DMRT1: variants seen among roughly 807,000 people sequenced by gnomAD.
DMRT1 encodes doublesex- and mab-3-related transcription factor 1.
In DMRT1, 7 loss-of-function variants were observed where a neutral mutation model predicts 32.3. The observed-to-expected ratio is 0.22, with a 90% CI of 0.12 to 0.41. The LOEUF is 0.41. Among genes scored for constraint, DMRT1 ranks in the 10% least tolerant of loss-of-function variants. DMRT1 has a pLI of 1.00. For missense variants in DMRT1, 625 were observed against 500.5 expected, an observed-to-expected ratio of 1.25 and a Z score of -2.37; for synonymous variants, 278 against 206.1, an observed-to-expected ratio of 1.35 and a Z score of -2.99.
intron 2 of DMRT1, among the ~76,000 whole-genome samples, chr9:852,035 G>A (rs78806166): frequency 0.1 from 15,088 of 151,206 alleles, 924 homozygotes; most frequent in East Asian, 0.17. Flanking sequence ...TGCCTCCTGG[G>A]TTCAAGAGAT....
chr9:928,266 G>A (rs1205913320), intron 4 of DMRT1, among the ~76,000 whole-genome samples: 1 of 152,186 alleles, frequency 6.6e-6, no homozygotes, highest in Non-Finnish European at 1.5e-5. Flanking sequence ...GCAGTCCCAT[G>A]ATCATCTGCT....
chr9:890,085 GTTTTTTTTT>G (rs35228255), intron 2 of DMRT1, among the ~76,000 whole-genome samples: 1 of 103,002 alleles, frequency 9.7e-6, no homozygotes, highest in African/African-American at 3.8e-5. Context: ...CACCAAACGT[GTTTTTTTTT>G]TTTTTTTTTT....
chr9:902,614 G>C (rs1057224529), intron 3 of DMRT1, among the ~76,000 whole-genome samples: 3 of 151,258 alleles, frequency 2.0e-5, no homozygotes, highest in African/African-American at 7.3e-5. Flanking sequence ...TCAGCCTCCT[G>C]AGTAGCTGGG....
intron 2 of DMRT1, among the ~76,000 whole-genome samples, chr9:861,805 CGG>C (rs57064577): frequency 3.7e-4 from 53 of 143,632 alleles, no homozygotes; most frequent in African/African-American, 1.4e-3. Context: ...GGCTGCCGGG[CGG>C]GGGGGGGCTC....
chr9:947,391 G>T (rs1195838608), intron 4 of DMRT1, among the ~76,000 whole-genome samples: 1 of 152,156 alleles, frequency 6.6e-6, no homozygotes, highest in East Asian at 1.9e-4. Context: ...GTCCATTATT[G>T]ACAGAAAATG....
rs963273216 is a variant in DMRT1 at position 914,301 on chromosome 9, G to A, written c.823-2462G>A. Among the ~76,000 whole-genome samples the A allele has an allele frequency of 4.6e-5, 7 of 152,064 alleles. No individual in the cohort carries two copies. In the East Asian group the frequency reaches 7.7e-4, roughly 17 times the overall value. The stretch of plus-strand genomic sequence containing the variant: ...TAGTAAAGATTTAATGTGGCCAGGC[G>A]CGGTGGCTCACGCCTGTAATCCCAG... On this transcript the variant is annotated intron_variant, in intron 3 of 4. Coordinates refer to ENST00000382276, the MANE Select transcript of DMRT1 (RefSeq NM_021951.3).
chr9:954,155 C>T (rs1039940749), intron 4 of DMRT1, among the ~76,000 whole-genome samples: 4 of 152,044 alleles, frequency 2.6e-5, no homozygotes, highest in Admixed American at 1.3e-4. Flanking sequence ...GCATAATAAG[C>T]ACGGGGAGAA....
chr9:896,278 G>A (rs112551484), intron 3 of DMRT1, among the ~76,000 whole-genome samples: 3 of 136,082 alleles, frequency 2.2e-5, no homozygotes, highest in Non-Finnish European at 4.8e-5. Context: ...TTTTTTTCTT[G>A]TCTTTTCTTT....
intron 2 of DMRT1, among the ~76,000 whole-genome samples, chr9:880,103 AT>A (rs1816671605): frequency 6.6e-6 from 1 of 152,216 alleles, no homozygotes; most frequent in South Asian, 2.1e-4. Context: ...TTTCAAGAGA[AT>A]GCCGCCAAAT....
intron 2 of DMRT1, among the ~76,000 whole-genome samples, chr9:890,083 G>GGGTTTTTTTTTTTTTT (rs1273507545): frequency 1.8e-5 from 2 of 108,886 alleles, no homozygotes; most frequent in African/African-American, 6.4e-5. Context: ...GCCACCAAAC[G>GGGTTTTTTTTTTTTTT]TGTTTTTTTT....
chr9:904,419 AAT>A (rs1291808508), intron 3 of DMRT1, among the ~76,000 whole-genome samples: 5 of 152,342 alleles, frequency 3.3e-5, no homozygotes, highest in African/African-American at 1.2e-4. Flanking sequence ...TAAAGATGAA[AAT>A]CAAGGGAATG....
intron 2 of DMRT1, 54 bp downstream of exon 2, chr9:847,197 G>T: frequency 6.3e-7 from 1 of 1,582,794 alleles, no homozygotes; most frequent in Non-Finnish European, 8.6e-7. Flanking sequence ...GGAGGCCGAA[G>T]GGTTGCAGCC....
intron 3 of DMRT1, among the ~76,000 whole-genome samples, chr9:908,218 GC>G (rs1177708460): frequency 2.0e-5 from 3 of 152,068 alleles, no homozygotes; most frequent in Non-Finnish European, 4.4e-5. Flanking sequence ...TTGGAGGGGG[GC>G]CCAAGGTGAG....
At chr9:871,881 C>T (rs1806805937) in intron 2 of DMRT1, among the ~76,000 whole-genome samples, 1 of 151,372 alleles carries the variant, frequency 6.6e-6, no homozygotes, top group African/African-American at 2.5e-5. Context: ...AGAACCACTG[C>T]TTTGAGTTTA....
At chr9:942,269 A>G (rs568015360) in intron 4 of DMRT1, among the ~76,000 whole-genome samples, 1 of 152,186 alleles carries the variant, frequency 6.6e-6, no homozygotes, top group African/African-American at 2.4e-5. Flanking sequence ...GAGAAATATC[A>G]ATTTTCCTTT....
At chr9:861,026 G>A (rs1265421652) in intron 2 of DMRT1, among the ~76,000 whole-genome samples, 1 of 150,340 alleles carries the variant, frequency 6.7e-6, no homozygotes, top group Non-Finnish European at 1.5e-5. Flanking sequence ...TTAAAGCAGT[G>A]AATGGTGTGA....
At chr9:859,879 T>C (rs1815577380) in intron 2 of DMRT1, among the ~76,000 whole-genome samples, 1 of 152,226 alleles carries the variant, frequency 6.6e-6, no homozygotes, top group Non-Finnish European at 1.5e-5. Context: ...GGTTCTTAGA[T>C]ACTGCTTCAG....
intron 3 of DMRT1, among the ~76,000 whole-genome samples, chr9:898,539 C>G (rs1817458140): frequency 6.6e-6 from 1 of 152,158 alleles, no homozygotes; most frequent in Non-Finnish European, 1.5e-5. Context: ...CCTTGCCCCT[C>G]TTGGTGGCAG....
chr9:926,832 A>T (rs1338652453), intron 4 of DMRT1, among the ~76,000 whole-genome samples: 1 of 152,182 alleles, frequency 6.6e-6, no homozygotes, highest in African/African-American at 2.4e-5. Context: ...TCTTCATGGG[A>T]TTCAGGTGTG....
Sources: allele counts gnomAD v4.1 joint callset (sites outside exome capture counted in the v4.1 genomes callset), GRCh38; gene constraint gnomAD v4.1.1; transcripts MANE v1.5; gene names NCBI Gene and HGNC (gene_info 2026-07-23, HGNC 2026-07-21).